The following SV2C variants were observed in gnomAD, a reference collection of about 807,000 sequenced individuals.
SV2C encodes the protein synaptic vesicle glycoprotein 2C.
A neutral mutation model predicts 79.7 loss-of-function variants in SV2C; 49 were observed. The observed-to-expected ratio is 0.61, with a 90% CI of 0.49 to 0.78. The LOEUF is 0.78. Ranked by LOEUF, SV2C falls within the 30% of genes least tolerant of loss-of-function variation. The probability of loss-of-function intolerance (pLI) is 0.00; values close to 1 mark genes in which losing one functional copy is unlikely to be tolerated. For missense variants in SV2C, 833 were observed against 912.9 expected (o/e 0.91, Z 1.13); for synonymous variants, 334 against 333.2 (o/e 1.00, Z -0.03).
At chr5:75,899,674 T>A in the SV2C span, among the ~76,000 whole-genome samples, 3 of 152,162 alleles carry the variant, frequency 2.0e-5, no homozygotes, top group Non-Finnish European at 4.4e-5. Context: ...GGTGTTAAAG[T>A]CTCCCATTAT....
intron 4 of SV2C, among the ~76,000 whole-genome samples, chr5:76,245,030 T>G (rs1745902617): frequency 6.6e-6 from 1 of 152,222 alleles, no homozygotes; most frequent in Non-Finnish European, 1.5e-5. Flanking sequence ...TATGTCAGCT[T>G]TTCTAGGAAA....
the SV2C span, among the ~76,000 whole-genome samples, chr5:76,003,548 G>C: frequency 1.3e-5 from 2 of 152,104 alleles, 1 homozygote; most frequent in Middle Eastern, 6.8e-3. Flanking sequence ...CTTCAGTTTT[G>C]TTTTGTTTTG....
intron 1 of SV2C, among the ~76,000 whole-genome samples, chr5:76,106,770 A>G (rs761255501): frequency 2.0e-5 from 3 of 152,020 alleles, no homozygotes; most frequent in Non-Finnish European, 4.4e-5. Flanking sequence ...ATTATCACAC[A>G]ACCTATCCCC....
At chr5:76,228,611 A>G (rs923471349) in intron 4 of SV2C, among the ~76,000 whole-genome samples, 1 of 152,148 alleles carries the variant, frequency 6.6e-6, no homozygotes, top group Admixed American at 6.5e-5. Context: ...CAGGGAAAAC[A>G]AGAGGAACTG....
At chr5:76,335,414 C>CTTTTTTTTTT (rs869230352), downstream of SV2C, among the ~76,000 whole-genome samples, 15 of 98,122 alleles carry the variant, frequency 1.5e-4, 1 homozygote, top group African/African-American at 4.3e-4. Flanking sequence ...ACACATTTTC[C>CTTTTTTTTTT]TTTTTTTTTT....
the SV2C span, among the ~76,000 whole-genome samples, chr5:76,075,067 G>C: frequency 7.2e-5 from 11 of 152,284 alleles, no homozygotes; most frequent in African/African-American, 2.4e-4. Flanking sequence ...ACACAACAGA[G>C]GTAGGGCTGT....
the SV2C span, among the ~76,000 whole-genome samples, chr5:76,045,524 A>C: frequency 6.6e-6 from 1 of 152,202 alleles, no homozygotes; most frequent in African/African-American, 2.4e-5. Context: ...TTTTCATGAT[A>C]TTAATTCTTC....
At chr5:76,282,267 A>C (rs1351817251) in intron 4 of SV2C, among the ~76,000 whole-genome samples, 1 of 152,132 alleles carries the variant, frequency 6.6e-6, no homozygotes, top group Non-Finnish European at 1.5e-5. Flanking sequence ...ATAATAAGCA[A>C]ATTGCAATGG....
chr5:75,999,999 G>A, the SV2C span, among the ~76,000 whole-genome samples: 11 of 152,072 alleles, frequency 7.2e-5, no homozygotes, highest in Non-Finnish European at 1.2e-4. Context: ...GTTGCATTGA[G>A]GATTAAGCTC....
chr5:76,192,877 T>G (rs1438613785), intron 2 of SV2C, among the ~76,000 whole-genome samples: 2 of 152,254 alleles, frequency 1.3e-5, no homozygotes, highest in African/African-American at 4.8e-5. Context: ...TGACATTTTT[T>G]ATACTAACTG....
At chr5:76,109,911 C>A (rs952154073) in intron 1 of SV2C, among the ~76,000 whole-genome samples, 1 of 152,144 alleles carries the variant, frequency 6.6e-6, no homozygotes, top group South Asian at 2.1e-4. Context: ...TACTGGGGAA[C>A]TAATACAGTG....
intron 4 of SV2C, among the ~76,000 whole-genome samples, chr5:76,274,241 T>C (rs1746956683): frequency 6.6e-6 from 1 of 152,244 alleles, no homozygotes; most frequent in Non-Finnish European, 1.5e-5. Context: ...TCTTTTCCTT[T>C]TTGGGTAAAA....
chr5:76,222,593 C>T (rs556509596), intron 4 of SV2C, among the ~76,000 whole-genome samples: 94 of 152,296 alleles, frequency 6.2e-4, no homozygotes, highest in African/African-American at 2.2e-3. Context: ...TATATACACA[C>T]ATTGCACTAA....
At chr5:75,936,717 C>T in the SV2C span, among the ~76,000 whole-genome samples, 1 of 152,214 alleles carries the variant, frequency 6.6e-6, no homozygotes, top group Non-Finnish European at 1.5e-5. Context: ...TCATTATTCA[C>T]TCTTCATTTT....
At chr5:76,076,910 A>G in the SV2C span, among the ~76,000 whole-genome samples, 163 of 152,314 alleles carry the variant, frequency 1.1e-3, no homozygotes, top group African/African-American at 3.5e-3. Context: ...ATTAGATTCA[A>G]TAACTTGGGC....
intron 4 of SV2C, among the ~76,000 whole-genome samples, chr5:76,278,170 T>TTG (rs34826654): frequency 0.098 from 14,840 of 150,708 alleles, 747 homozygotes; most frequent in Admixed American, 0.15. Flanking sequence ...CATGTACACA[T>TTG]TGTGTGTGTG....
the SV2C span, among the ~76,000 whole-genome samples, chr5:75,877,822 C>A: frequency 2.6e-5 from 4 of 151,812 alleles, no homozygotes; most frequent in Non-Finnish European, 5.9e-5. Context: ...TTCTCGGAAA[C>A]CTCATCAGCT....
At chr5:76,298,662 C>T in intron 9 of SV2C, 132 bp from the exon 10 acceptor site, 1 of 1,030,858 alleles carries the variant, frequency 9.7e-7, no homozygotes, top group South Asian at 2.3e-5. Flanking sequence ...CTAAGAAAAT[C>T]AAGAACTCTG....
rs1397966391 is a variant in SV2C at position 76,331,320 on chromosome 5, G to C, written c.*5773G>C. 6.6e-6 allele frequency: 1 copy of C among 152,294 alleles called. No homozygotes were observed. Among genetic ancestry groups the C allele is most frequent in the African/African-American group, 2.4e-5 (1 of 41,460 alleles). 9.4% of individuals were successfully genotyped at this position (152,294 alleles called of 1,614,324 possible). A position where few individuals can be genotyped will look rare whatever the true frequency, so the allele number is the denominator to read the frequency against. On this transcript the variant is annotated 3_prime_UTR_variant, in exon 13 of 13. Transcript: ENST00000502798. ...TCCCCTGGTCTGTGCCTCCCAGGGT[G>C]TTTCCTTTCTGATTTTGAAGATTTG...
Sources: gnomAD v4.1 joint callset for allele counts (sites outside exome capture counted in the v4.1 genomes callset) on GRCh38, gnomAD v4.1.1 for gene constraint, MANE v1.5 for transcripts, NCBI Gene and HGNC (gene_info 2026-07-23, HGNC 2026-07-21) for gene names.